The following CFAP61 variants were observed in gnomAD, a reference collection of about 807,000 sequenced individuals.
The protein encoded by CFAP61 is cilia- and flagella-associated protein 61.
Under a neutral mutation model 135.6 loss-of-function variants are expected in CFAP61, and 107 were observed. The ratio of observed to expected loss-of-function variants is 0.79; its 90% CI spans 0.67 to 0.93. CFAP61 has a LOEUF of 0.93. Among genes scored for constraint, CFAP61 ranks in the 40% least tolerant of loss-of-function variants. CFAP61 has a pLI of 0.00. For synonymous variants in CFAP61, 575 were observed against 578.5 expected, an observed-to-expected ratio of 0.99 and a Z score of 0.09; for missense variants, 1,507 against 1,556.2, an observed-to-expected ratio of 0.97 and a Z score of 0.53.
chr20:20,243,518 A>G lies in CFAP61; in HGVS notation c.2061-2599A>G, dbSNP rs984107387. Among the ~76,000 whole-genome samples the G allele has an allele frequency of 2.0e-5, 3 of 151,426 alleles. No homozygotes were observed. The East Asian group carries it at 5.8e-4, about 29-fold the overall frequency. On this transcript the variant is annotated intron_variant, in intron 18 of 26. Transcript: ENST00000245957. ...AATGGTGTGATCTTGACTCACTGCAACCTCCACCTCCCCAGTTCAAGTGAT... is the reference window on the plus strand; with the variant it reads ...AATGGTGTGATCTTGACTCACTGCAGCCTCCACCTCCCCAGTTCAAGTGAT...
intron 8 of CFAP61, among the ~76,000 whole-genome samples, chr20:20,106,987 G>A (rs2048455070): frequency 6.6e-6 from 1 of 152,148 alleles, no homozygotes; most frequent in African/African-American, 2.4e-5. Context: ...GTGATTCAAG[G>A]GATTTTCATC....
chr20:20,085,357 C>T (rs2046722470), intron 6 of CFAP61: 1 of 1,304,208 alleles, frequency 7.7e-7, no homozygotes, highest in Non-Finnish European at 1.0e-6. Flanking sequence ...AGGCTGATGT[C>T]ATACTTTATC....
chr20:20,222,572 A>G (rs2048475062), intron 17 of CFAP61, among the ~76,000 whole-genome samples: 1 of 152,206 alleles, frequency 6.6e-6, no homozygotes, highest in East Asian at 1.9e-4. Context: ...TGAATCCTTC[A>G]TAAAGCAAGT....
intron 6 of CFAP61, 42 bp from the exon 7 acceptor site, chr20:20,090,802 A>G (rs1312891223): frequency 3.1e-6 from 5 of 1,607,296 alleles, no homozygotes; most frequent in African/African-American, 2.7e-5. Flanking sequence ...AAGGAAAAAA[A>G]TGAGTGAACG....
At chr20:20,066,871 A>G (rs1215802149) in intron 2 of CFAP61, among the ~76,000 whole-genome samples, 7 of 152,190 alleles carry the variant, frequency 4.6e-5, no homozygotes, top group Non-Finnish European at 7.3e-5. Flanking sequence ...ATATGATTTG[A>G]TAGTAACAAG....
At chr20:20,106,259 A>T (rs2048401189) in intron 8 of CFAP61, among the ~76,000 whole-genome samples, 1 of 151,974 alleles carries the variant, frequency 6.6e-6, no homozygotes. Flanking sequence ...GTTGTCAGGG[A>T]CATGACCCCA....
At chr20:20,056,309 A>T (rs765875096) in intron 1 of CFAP61, among the ~76,000 whole-genome samples, 2 of 152,212 alleles carry the variant, frequency 1.3e-5, no homozygotes, top group Non-Finnish European at 2.9e-5. Flanking sequence ...ATATAAGAGG[A>T]CCCTGAATCC....
intron 8 of CFAP61, among the ~76,000 whole-genome samples, chr20:20,137,636 C>T (rs1187096084): frequency 6.6e-6 from 1 of 152,068 alleles, no homozygotes; most frequent in African/African-American, 2.4e-5. Context: ...GGGACTCATC[C>T]TTCAGGGCAG....
At chr20:20,103,279 T>G (rs1407467591) in intron 8 of CFAP61, among the ~76,000 whole-genome samples, 8 of 152,198 alleles carry the variant, frequency 5.3e-5, no homozygotes, top group Non-Finnish European at 1.2e-4. Flanking sequence ...TCAATTTGTG[T>G]TTTACCTGAA....
At chr20:20,125,504 A>G (rs921465782) in intron 8 of CFAP61, among the ~76,000 whole-genome samples, 3 of 151,670 alleles carry the variant, frequency 2.0e-5, no homozygotes, top group African/African-American at 7.3e-5. Flanking sequence ...AGTTTATTTA[A>G]TTTCCACATA....
intron 20 of CFAP61, among the ~76,000 whole-genome samples, chr20:20,260,963 TATA>T (rs1485689451): frequency 1.3e-5 from 2 of 152,362 alleles, no homozygotes; most frequent in East Asian, 3.9e-4. Flanking sequence ...TGGGCTGCTT[TATA>T]ATAACTATGA....
chr20:20,283,196 A>G (rs966753741), intron 22 of CFAP61, among the ~76,000 whole-genome samples: 6 of 151,786 alleles, frequency 4.0e-5, no homozygotes, highest in Non-Finnish European at 8.8e-5. Context: ...AATTCTTTTG[A>G]TTTTTGCTTT....
chr20:20,202,239 C>G (rs551008279), intron 17 of CFAP61, among the ~76,000 whole-genome samples: 1 of 152,256 alleles, frequency 6.6e-6, no homozygotes, highest in East Asian at 1.9e-4. Context: ...TCCAGGAAGA[C>G]AGCCACTTAG....
In CFAP61 at chr20:20,052,571, C is replaced by T. The variant is rs982161407; in HGVS notation, c.-57C>T. ...CCTTGCGGCAGCGCGTGGAGTGCGG[C>T]GTCCTGGAGCTGCGGATGAGGTGGG... On this transcript the variant is annotated 5_prime_UTR_variant, in exon 1 of 27. Coordinates refer to ENST00000245957, the MANE Select transcript of CFAP61 (RefSeq NM_015585.4). 2.5e-6 allele frequency: 4 copies of T among 1,613,806 alleles called. No individual in the cohort carries two copies. The African/African-American group carries it at 4.0e-5, about 16-fold the overall frequency.
At chr20:20,130,516 T>C (rs1568969138) in intron 8 of CFAP61, among the ~76,000 whole-genome samples, 1 of 151,842 alleles carries the variant, frequency 6.6e-6, no homozygotes, top group African/African-American at 2.4e-5. Context: ...TGTTCCATTC[T>C]CCCTCTGGCT....
At chr20:20,086,283 A>G (rs2046793378) in intron 6 of CFAP61, among the ~76,000 whole-genome samples, 1 of 148,690 alleles carries the variant, frequency 6.7e-6, no homozygotes, top group South Asian at 2.2e-4. Context: ...ATCATTTAGT[A>G]TTAGGTATAT....
chr20:20,212,212 A>G (rs565831630), intron 17 of CFAP61, among the ~76,000 whole-genome samples: 3 of 152,108 alleles, frequency 2.0e-5, no homozygotes, highest in Non-Finnish European at 4.4e-5. Flanking sequence ...GAAGGCGGCC[A>G]TAGTTCACAG....
intron 17 of CFAP61, among the ~76,000 whole-genome samples, chr20:20,204,194 C>T (rs1459451130): frequency 6.6e-6 from 1 of 152,168 alleles, no homozygotes; most frequent in East Asian, 1.9e-4. Context: ...AACCCTTCAT[C>T]CTTCCTGAGC....
intron 21 of CFAP61, among the ~76,000 whole-genome samples, chr20:20,263,495 G>A (rs114451511): frequency 0.084 from 12,777 of 151,882 alleles, 597 homozygotes; most frequent in Middle Eastern, 0.16. Context: ...AAACTGAAAA[G>A]ACCTAGGAAG....
Sources: allele counts gnomAD v4.1 joint callset (sites outside exome capture counted in the v4.1 genomes callset), GRCh38; gene constraint gnomAD v4.1.1; transcripts MANE v1.5; gene names NCBI Gene and HGNC (gene_info 2026-07-23, HGNC 2026-07-21).